The following ERN2 variants were observed in gnomAD, a reference collection of about 807,000 sequenced individuals.
ERN2 encodes endoplasmic reticulum to nucleus signaling 2.
ERN2 carries 111 observed loss-of-function variants against 107.9 expected under a neutral mutation model. The observed-to-expected ratio is 1.03, with a 90% confidence interval of 0.88 to 1.20. ERN2 has a LOEUF of 1.20. ERN2 is among the 50% of genes most tolerant of loss of function. The probability of loss-of-function intolerance (pLI) is 0.00; values close to 1 mark genes in which losing one functional copy is unlikely to be tolerated. For missense variants in ERN2, 1,225 were observed against 1,197.9 expected (o/e 1.02, Z -0.33); for synonymous variants, 524 against 501.7 (o/e 1.04, Z -0.59).
rs76373494 is a variant in ERN2, at chr16:23,696,084, G to A, written c.1526-106C>T. 2.1e-4 allele frequency: 163 copies of A among 791,288 alleles called. No homozygotes were observed. In the African/African-American group the frequency reaches 2.6e-3, roughly 13 times the overall value. 49.0% of individuals were successfully genotyped at this position (791,288 alleles called of 1,614,324 possible). Reference sequence around the variant, plus strand: ...ATTTTCTGGGCCTCCACCCTCCCATGCTCAGCCTGGTGCAGTGGGTAAGAG... The same window carrying A: ...ATTTTCTGGGCCTCCACCCTCCCATACTCAGCCTGGTGCAGTGGGTAAGAG... On this transcript the variant is annotated intron_variant, in intron 13 of 21. Transcript: ENST00000256797.
At chr16:23,701,922 G>A (rs901180780) in intron 11 of ERN2, among the ~76,000 whole-genome samples, 5 of 152,028 alleles carry the variant, frequency 3.3e-5, no homozygotes, top group African/African-American at 1.2e-4. Context: ...ATATAAGCAT[G>A]AATCACCTGC....
intron 1 of ERN2, chr16:23,712,827 C>A: frequency 2.2e-6 from 1 of 454,408 alleles, no homozygotes; most frequent in Admixed American, 4.4e-5. Flanking sequence ...CCAGACTACA[C>A]CTCTCCCTGC....
intron 8 of ERN2, among the ~76,000 whole-genome samples, chr16:23,703,967 T>C (rs1335598938): frequency 6.6e-6 from 1 of 152,178 alleles, no homozygotes; most frequent in Non-Finnish European, 1.5e-5. Flanking sequence ...TCTCTCCCAT[T>C]AGACTCGGGT....
At position 23,691,005 on chromosome 16, in the gene ERN2, C is replaced by T; in HGVS notation, c.2607G>A (p.Gln869=). 3 of 1,614,198 alleles carry T rather than the reference C, an allele frequency of 1.9e-6. No homozygotes were observed. The highest frequency in any genetic ancestry group is 2.5e-6 in the Non-Finnish European group (3 of 1,180,046). The change falls in exon 22 of 22, where the codon CAG becomes CAA. Residue 869 remains glutamine (Q), a synonymous_variant. Coordinates refer to ENST00000256797, the MANE Select transcript of ERN2 (RefSeq NM_033266.4). ...AGCCATCAGGGACTTGGCCGAGTGC[C>T]TGTCGCACCTCAACTGGGAGCTCCC... ...HYRELPVEVR[Q]ALGQVPDGFV...
At chr16:23,706,117 G>A in intron 7 of ERN2, 2 of 504,910 alleles carry the variant, frequency 4.0e-6, no homozygotes. Context: ...AGAGTTAGGA[G>A]GTTGAGGGAT....
At chr16:23,702,564 G>A (rs542176463) in intron 9 of ERN2, 27 bp from the exon 10 acceptor site, 6 of 1,613,996 alleles carry the variant, frequency 3.7e-6, no homozygotes, top group East Asian at 4.5e-5. Flanking sequence ...AGAGCCATGA[G>A]TGAGGGAGGT....
rs536027346 is a variant in ERN2 at position 23,701,595 on chromosome 16, AAAG to A, written c.1204-484_1204-482del. Among the ~76,000 whole-genome samples the A allele has an allele frequency of 2.6e-5, 4 of 152,228 alleles. No individual in the cohort carries two copies. In the East Asian group the frequency reaches 7.7e-4, roughly 29 times the overall value. On this transcript the variant is annotated intron_variant, in intron 11 of 21. Coordinates refer to ENST00000256797, the MANE Select transcript of ERN2 (RefSeq NM_033266.4). ...TACAATTTTTACGCTGAAGAAGAAT[AAAG>A]AAAATGTGACCTATGTTTCATGATT...
chr16:23,701,179 A>G, intron 11 of ERN2, 65 bp from the exon 12 acceptor site: 1 of 1,541,800 alleles, frequency 6.5e-7, no homozygotes, highest in Non-Finnish European at 8.8e-7. Context: ...ACTTTTCTTC[A>G]TCACCCAGCA....
intron 13 of ERN2, among the ~76,000 whole-genome samples, chr16:23,700,272 G>T (rs1381504701): frequency 6.6e-6 from 1 of 152,222 alleles, no homozygotes. Context: ...AGGAGCTTGA[G>T]GCTGCAGTGA....
rs1360353869 is a variant in ERN2 at position 23,695,308 on chromosome 16, C to A, written c.1692G>T (p.Leu564=). ...CFGLVRREVQ[L]LQESDRHPNV... is the part of the protein sequence containing the mutation. The stretch of plus-strand genomic sequence containing the variant: ...TGGGGTGCCTGTCAGACTCCTGCAG[C>A]AGTTGAACTTCCCGCCGAACCAGGC... Residue 564 remains leucine, a synonymous_variant, in exon 15 of 22, where the codon CTG becomes CTT. Coordinates refer to ENST00000256797, the MANE Select transcript of ERN2 (RefSeq NM_033266.4). 1.2e-6 allele frequency: 2 copies of A among 1,613,778 alleles called. No homozygotes were observed. The highest frequency in any genetic ancestry group is 1.7e-6 in the Non-Finnish European group (2 of 1,179,922).
At chr16:23,705,927 G>C (rs1166384001) in intron 7 of ERN2, among the ~76,000 whole-genome samples, 1 of 152,026 alleles carries the variant, frequency 6.6e-6, no homozygotes, top group Non-Finnish European at 1.5e-5. Context: ...AAAAATGGTG[G>C]GGAGTGGTCG....
chr16:23,712,011 C>T (rs1960565666), intron 1 of ERN2: 1 of 453,790 alleles, frequency 2.2e-6, no homozygotes, highest in African/African-American at 2.0e-5. Flanking sequence ...CCAGTCCCTC[C>T]TTGAGCAAAC....
In ERN2 at chr16:23,712,179, C is replaced by T. The variant is rs916521270; in HGVS notation, c.93+916G>A. ...ATTATCTGCTAGCCCCTCTTTCTTT[C>T]TGGGCTTCAATTTTGTCATCTGCAG... On this transcript the variant is annotated intron_variant, in intron 1 of 21. Transcript: ENST00000256797. 3 of 253,628 alleles carry T rather than the reference C, an allele frequency of 1.2e-5. No individual in the cohort carries two copies. The Admixed American group carries it at 1.3e-4, about 11-fold the overall frequency. The allele number at this position is 253,628 out of a possible 1,614,324, so 15.7% of individuals were successfully genotyped here.
In ERN2 at chr16:23,713,191, GCCTGGGCAGCTGCACGGCTGGCCAGGTC is replaced by G; in HGVS notation, c.-32_-5del. On this transcript the variant is annotated 5_prime_UTR_variant, in exon 1 of 22. Transcript: ENST00000256797. Reference sequence around the variant, plus strand: ...ACCCCCTGACCGCACTCGCCATAGCGCCTGGGCAGCTGCACGGCTGGCCAGGTCCCTGGGTGCCTCCAAGGGAGCGCTC... The same window carrying G: ...ACCCCCTGACCGCACTCGCCATAGCGCCTGGGTGCCTCCAAGGGAGCGCTC... 2.5e-6 allele frequency: 4 copies of G among 1,578,838 alleles called. No homozygotes were observed. Among genetic ancestry groups the G allele is most frequent in the Non-Finnish European group, 3.4e-6 (4 of 1,169,038 alleles).
At chr16:23,700,188 C>T (rs1959987884) in intron 13 of ERN2, among the ~76,000 whole-genome samples, 1 of 151,982 alleles carries the variant, frequency 6.6e-6, no homozygotes, top group Non-Finnish European at 1.5e-5. Context: ...AACTTTAAAA[C>T]TAGCTGGGCA....
In ERN2 at chr16:23,692,269, G is replaced by A. The variant is rs763958556; in HGVS notation, c.2163C>T (p.Ser721=). 3 of 1,614,150 alleles carry A rather than the reference G, an allele frequency of 1.9e-6. No individual in the cohort carries two copies. In the East Asian group the frequency reaches 6.7e-5, roughly 36 times the overall value. Residue 721 remains serine, a synonymous_variant, in exon 18 of 22, where the codon AGC becomes AGT. Transcript: ENST00000256797. The part of the protein sequence containing the change: ...CVFYYVLSGG[S]HPFGDSLYRQ... ...GATAAAGACTGTCTCCAAAGGGGTG[G>A]CTGCCACCAGAAAGCACGTAGTAGA...
chr16:23,692,406 G>T (rs1277134670), intron 17 of ERN2, 75 bp from the exon 18 acceptor site: 2 of 1,507,254 alleles, frequency 1.3e-6, no homozygotes, highest in Non-Finnish European at 1.8e-6. Context: ...TCTCCCATGG[G>T]CTGATAGAGC....
At position 23,707,061 on chromosome 16, in the gene ERN2, G is replaced by A. The variant is rs1231107589; in HGVS notation, c.325C>T (p.Pro109Ser). 1.2e-6 allele frequency: 2 copies of A among 1,614,024 alleles called. No individual in the cohort carries two copies. The highest frequency in any genetic ancestry group is 1.6e-4 in the Middle Eastern group (1 of 6,062). The part of the protein sequence containing the change: ...QGLMKLPFTI[P>S]ELVHASPCRS... ...CAGGGAGAGGCATGAACCAGCTCAGGGATGGTGAATGGCAGTTTCTAGGAG... is the reference window on the plus strand; with the variant it reads ...CAGGGAGAGGCATGAACCAGCTCAGAGATGGTGAATGGCAGTTTCTAGGAG... Residue 109 changes from proline to serine, a missense_variant, in exon 5 of 22, where the codon CCT (proline) becomes TCT (serine). Physicochemically the swap from Pro to Ser is moderately conservative, Grantham distance 74 (BLOSUM62 -1). Transcript: ENST00000256797.
chr16:23,697,858 G>T (rs546437083), intron 13 of ERN2, among the ~76,000 whole-genome samples: 7 of 152,234 alleles, frequency 4.6e-5, no homozygotes, highest in Admixed American at 1.3e-4. Context: ...CTGGGCTCAA[G>T]CAATCCTCCT....
Sources: allele counts gnomAD v4.1 joint callset (sites outside exome capture counted in the v4.1 genomes callset), GRCh38; gene constraint gnomAD v4.1.1; transcripts MANE v1.5; gene names NCBI Gene and HGNC (gene_info 2026-07-23, HGNC 2026-07-21).